Variants in SKAP1 observed in about 807,000 individuals in gnomAD.
SKAP1 encodes src kinase associated phosphoprotein 1.
In SKAP1, 44 loss-of-function variants were observed where a neutral mutation model predicts 58.5. The ratio of observed to expected loss-of-function variants is 0.75; its 90% CI spans 0.59 to 0.97. The LOEUF (loss-of-function observed/expected upper bound fraction) is 0.97. SKAP1 is among the 50% of genes least tolerant of loss of function. SKAP1 has a pLI of 0.00. For missense variants in SKAP1, 390 were observed against 435.2 expected, an observed-to-expected ratio of 0.90 and a Z score of 0.92; for synonymous variants, 127 against 149.7, an observed-to-expected ratio of 0.85 and a Z score of 1.11.
chr17:48,164,080 T>C (rs2064105667), intron 10 of SKAP1, among the ~76,000 whole-genome samples: 1 of 152,174 alleles, frequency 6.6e-6, no homozygotes, highest in Non-Finnish European at 1.5e-5. Context: ...GGAAGAAAAA[T>C]ACTTTGGGAG....
At chr17:48,418,355 T>C (rs77575270) in intron 1 of SKAP1, among the ~76,000 whole-genome samples, 1 of 152,220 alleles carries the variant, frequency 6.6e-6, no homozygotes, top group Non-Finnish European at 1.5e-5. Flanking sequence ...GTTGTGCAAA[T>C]ATTTTACAAT....
intron 4 of SKAP1, among the ~76,000 whole-genome samples, chr17:48,225,146 A>G (rs1467416310): frequency 1.3e-5 from 2 of 152,198 alleles, no homozygotes; most frequent in African/African-American, 4.8e-5. Context: ...GTAAAGTAGT[A>G]TATTTCAATA....
At chr17:48,140,675 A>C (rs371249346) in intron 11 of SKAP1, among the ~76,000 whole-genome samples, 1 of 151,890 alleles carries the variant, frequency 6.6e-6, no homozygotes, top group Non-Finnish European at 1.5e-5. Flanking sequence ...TTGGTTCTCT[A>C]TCTCAGTGAG....
At chr17:48,223,063 C>CAAAAAAA (rs71141973) in intron 4 of SKAP1, among the ~76,000 whole-genome samples, 2 of 70,104 alleles carry the variant, frequency 2.9e-5, no homozygotes, top group African/African-American at 5.6e-5. Context: ...GACTCCGTCT[C>CAAAAAAA]AAAAAAAAAA....
chr17:48,154,543 G>A (rs1204679465), intron 11 of SKAP1, among the ~76,000 whole-genome samples: 1 of 152,152 alleles, frequency 6.6e-6, no homozygotes, highest in Non-Finnish European at 1.5e-5. Context: ...CCTTGGAAGA[G>A]CCTCAGACCA....
At chr17:48,237,297 T>C (rs2065192437) in intron 4 of SKAP1, among the ~76,000 whole-genome samples, 1 of 152,252 alleles carries the variant, frequency 6.6e-6, no homozygotes, top group Admixed American at 6.5e-5. Context: ...AGAGACTTTA[T>C]TCCTAACTTG....
At chr17:48,239,934 G>C (rs142393056) in intron 4 of SKAP1, among the ~76,000 whole-genome samples, 23 of 152,118 alleles carry the variant, frequency 1.5e-4, no homozygotes, top group Admixed American at 3.3e-4. Context: ...AAGCTGTTGA[G>C]AACCTCTATC....
chr17:48,288,888 G>A (rs1328014027), intron 4 of SKAP1, among the ~76,000 whole-genome samples: 1 of 152,122 alleles, frequency 6.6e-6, no homozygotes, highest in African/African-American at 2.4e-5. Flanking sequence ...CTTGTGCAGT[G>A]TATAGCAAAA....
intron 4 of SKAP1, among the ~76,000 whole-genome samples, chr17:48,231,545 T>TA (rs11408797): frequency 0.83 from 123,458 of 149,160 alleles, 51,045 homozygotes; most frequent in East Asian, 0.95. Flanking sequence ...AATGAGTTAA[T>TA]AAAAAAAAAA....
intron 1 of SKAP1, among the ~76,000 whole-genome samples, chr17:48,417,207 C>A (rs1277249039): frequency 6.6e-6 from 1 of 152,142 alleles, no homozygotes; most frequent in Non-Finnish European, 1.5e-5. Context: ...CTAGGTTCGA[C>A]CTGCTAACTG....
intron 4 of SKAP1, among the ~76,000 whole-genome samples, chr17:48,235,925 C>T (rs1442469300): frequency 1.3e-5 from 2 of 152,148 alleles, no homozygotes; most frequent in Non-Finnish European, 2.9e-5. Flanking sequence ...ACCACACTTG[C>T]TTTTCTTTGA....
At chr17:48,365,169 C>G (rs1185975649) in intron 2 of SKAP1, among the ~76,000 whole-genome samples, 1 of 151,962 alleles carries the variant, frequency 6.6e-6, no homozygotes, top group African/African-American at 2.4e-5. Flanking sequence ...CTTTGTTGCC[C>G]AGGCTGGGGC....
Position 48,225,192 on chromosome 17 carries a change from T to C in SKAP1, c.281-35692A>G, listed in dbSNP as rs572470871. Among the ~76,000 whole-genome samples, 125 of 152,318 alleles carry C rather than the reference T, an allele frequency of 8.2e-4. 5 individuals carry two copies. In the South Asian group the frequency reaches 0.025, roughly 30 times the overall value. On this transcript the variant is annotated intron_variant, in intron 4 of 12. Transcript: ENST00000336915. ...TCACTAAAACTGATTTAAATATAAA[T>C]GGGATTGAATGAGTTAACGGCTGTC...
At chr17:48,307,966 C>A (rs947627551) in intron 4 of SKAP1, 3 of 152,216 alleles carry the variant, frequency 2.0e-5, no homozygotes, top group Non-Finnish European at 4.4e-5. Context: ...TTGAACATAG[C>A]AAGTCCTGGA....
chr17:48,395,137 C>T (rs371884228), intron 2 of SKAP1, among the ~76,000 whole-genome samples: 7 of 152,134 alleles, frequency 4.6e-5, no homozygotes, highest in East Asian at 3.9e-4. Context: ...ATTCAGCTTG[C>T]GTGTGTGTTC....
chr17:48,291,556 CATCTTAA>C (rs1212953957), intron 4 of SKAP1, among the ~76,000 whole-genome samples: 6 of 152,178 alleles, frequency 3.9e-5, no homozygotes, highest in Non-Finnish European at 2.9e-5. Context: ...GATGCAAGAA[CATCTTAA>C]AGATCACCTG....
chr17:48,277,432 C>T (rs148641049), intron 4 of SKAP1, among the ~76,000 whole-genome samples: 68 of 152,234 alleles, frequency 4.5e-4, no homozygotes, highest in African/African-American at 1.3e-3. Context: ...TCTGATTACA[C>T]GATTAATATA....
intron 4 of SKAP1, among the ~76,000 whole-genome samples, chr17:48,191,097 T>C (rs1329836554): frequency 2.6e-5 from 4 of 152,238 alleles, no homozygotes; most frequent in Admixed American, 6.5e-5. Flanking sequence ...CTAACATTCT[T>C]GGCTTTCAAT....
chr17:48,140,383 C>T (rs147086432), intron 11 of SKAP1, among the ~76,000 whole-genome samples: 2 of 152,320 alleles, frequency 1.3e-5, no homozygotes, highest in African/African-American at 4.8e-5. Context: ...CCTTTGCAGG[C>T]TCATCTTGCT....
Sources: gnomAD v4.1 joint callset for allele counts (sites outside exome capture counted in the v4.1 genomes callset) on GRCh38, gnomAD v4.1.1 for gene constraint, MANE v1.5 for transcripts, NCBI Gene and HGNC (gene_info 2026-07-23, HGNC 2026-07-21) for gene names.